OMA1: variants seen among roughly 807,000 people sequenced by gnomAD.
The protein encoded by OMA1 is metalloendopeptidase OMA1, mitochondrial.
In OMA1, 38 loss-of-function variants were observed where a neutral mutation model predicts 30.9. That is an observed-to-expected ratio of 1.23 (90% CI 0.95 to 1.61). The LOEUF (loss-of-function observed/expected upper bound fraction) is 1.61, where lower values mean the gene tolerates loss of function less well. OMA1 is among the 40% of genes most tolerant of loss of function. The probability of loss-of-function intolerance (pLI) is 0.00; values close to 1 mark genes in which losing one functional copy is unlikely to be tolerated. For synonymous variants in OMA1, 173 were observed against 121.9 expected (o/e 1.42, Z -2.76); for missense variants, 461 against 349.2 (o/e 1.32, Z -2.55).
chr1:58,541,293 C>CAAAAAAA (rs71043292), intron 1 of OMA1, among the ~76,000 whole-genome samples: 7 of 27,568 alleles, frequency 2.5e-4, no homozygotes, highest in Non-Finnish European at 4.8e-4. Context: ...GACTCTGTCT[C>CAAAAAAA]AAAAAAAAAA....
At chr1:58,537,056 G>C (rs1417811938) in intron 2 of OMA1, among the ~76,000 whole-genome samples, 1 of 146,072 alleles carries the variant, frequency 6.8e-6, no homozygotes, top group Non-Finnish European at 1.5e-5. Flanking sequence ...TCTAGTACAT[G>C]CAAAATTCTC....
intron 7 of OMA1, among the ~76,000 whole-genome samples, chr1:58,508,408 G>A (rs1323703082): frequency 1.3e-5 from 2 of 152,154 alleles, no homozygotes; most frequent in Non-Finnish European, 2.9e-5. Flanking sequence ...GATAATATAC[G>A]AATTCCCTTT....
chr1:58,482,573 T>C (rs116214531), intron 8 of OMA1, among the ~76,000 whole-genome samples: 85 of 152,206 alleles, frequency 5.6e-4, no homozygotes, highest in African/African-American at 2.0e-3. Context: ...GATACTGATG[T>C]GTCTTAAGGG....
At chr1:58,510,274 C>G (rs1364345409) in intron 7 of OMA1, among the ~76,000 whole-genome samples, 1 of 152,042 alleles carries the variant, frequency 6.6e-6, no homozygotes, top group Non-Finnish European at 1.5e-5. Flanking sequence ...TTAAAAGGAT[C>G]ACACCTCATG....
intron 7 of OMA1, among the ~76,000 whole-genome samples, chr1:58,520,879 C>A (rs1190590073): frequency 6.6e-6 from 1 of 152,040 alleles, no homozygotes; most frequent in African/African-American, 2.4e-5. Flanking sequence ...CCAAACCTCT[C>A]TTGATAACTA....
chr1:58,483,716 A>G (rs1416488972), intron 8 of OMA1, among the ~76,000 whole-genome samples: 1 of 152,232 alleles, frequency 6.6e-6, no homozygotes, highest in East Asian at 1.9e-4. Context: ...CTACTGTCCA[A>G]ACTGGGATAC....
intron 8 of OMA1, among the ~76,000 whole-genome samples, chr1:58,498,252 A>T (rs191260320): frequency 1.3e-5 from 2 of 152,044 alleles, no homozygotes; most frequent in Non-Finnish European, 2.9e-5. Context: ...AAAAAAAAAA[A>T]ACAACTTTTT....
At chr1:58,481,269 A>G in intron 8 of OMA1, 95 bp from the exon 9 acceptor site, 1 of 457,232 alleles carries the variant, frequency 2.2e-6, no homozygotes, top group Non-Finnish European at 3.8e-6. Flanking sequence ...TGTAAAACAA[A>G]GAATGTATTG....
chr1:58,538,540 A>G (rs1429256404), intron 2 of OMA1, among the ~76,000 whole-genome samples: 1 of 152,288 alleles, frequency 6.6e-6, no homozygotes, highest in Non-Finnish European at 1.5e-5. Flanking sequence ...TTTTAAAGAG[A>G]TATTTCTATA....
In OMA1 at chr1:58,506,753, GA is replaced by G. The variant is rs1464541588; in HGVS notation, c.1216-545del. Among the ~76,000 whole-genome samples the G allele has an allele frequency of 7.2e-5, 11 of 151,998 alleles. No individual in the cohort carries two copies. The East Asian group carries it at 1.9e-3, about 27-fold the overall frequency. On this transcript the variant is annotated intron_variant, in intron 7 of 8. Transcript: ENST00000371226. ...TACTTCTATGCCACTAGAACAATCA[GA>G]AAAAAACTTCAAATAAACATAAAGA...
At chr1:58,484,855 A>G (rs1187302803) in intron 8 of OMA1, among the ~76,000 whole-genome samples, 1 of 152,172 alleles carries the variant, frequency 6.6e-6, no homozygotes, top group East Asian at 1.9e-4. Context: ...TGGAAAAGGC[A>G]CAACTATGGA....
chr1:58,524,514 A>T (rs1346867771), intron 7 of OMA1, among the ~76,000 whole-genome samples: 1 of 152,196 alleles, frequency 6.6e-6, no homozygotes, highest in Non-Finnish European at 1.5e-5. Flanking sequence ...CACCCACATA[A>T]AAGGTGCATC....
In OMA1 at chr1:58,534,307, T is replaced by C; in HGVS notation, c.754A>G (p.Met252Val). The C allele has an allele frequency of 1.2e-6, 1 of 855,986 alleles. No homozygotes were observed. 53.0% of individuals were successfully genotyped at this position (855,986 alleles called of 1,614,324 possible). A position where few individuals can be genotyped will look rare whatever the true frequency, so the allele number is the denominator to read the frequency against. ...EAWMEEFKND[M>V]LTEKDARYLA... is the part of the protein sequence containing the mutation. The stretch of plus-strand genomic sequence containing the variant: ...TATCGGGCATCTTTCTCAGTTAGCA[T>C]ATCATTTTTAAATTCTTCCATCCAC... Residue 252 changes from methionine (M) to valine (V), a missense_variant, in exon 4 of 9, where the codon ATG becomes GTG. Transcript: ENST00000371226.
intron 7 of OMA1, among the ~76,000 whole-genome samples, chr1:58,516,845 C>G (rs1174304357): frequency 2.0e-5 from 3 of 152,154 alleles, no homozygotes; most frequent in African/African-American, 7.2e-5. Context: ...TACAGCTGCC[C>G]AAACCAGCAA....
Position 58,527,323 on chromosome 1 carries a change from T to C in OMA1, c.1153A>G (p.Arg385Gly). The C allele has an allele frequency of 1.1e-6, 1 of 872,080 alleles. No individual in the cohort carries two copies. The highest frequency in any genetic ancestry group is 2.0e-6 in the Non-Finnish European group (1 of 501,176). The allele number at this position is 872,080 out of a possible 1,614,324, so 54.0% of individuals were successfully genotyped here. ...QSKLQEYMFNRPYSRKLEAEA... is the reference protein window; with the variant it reads ...QSKLQEYMFNGPYSRKLEAEA... ...GCCTCCAATTTTCTGCTGTATGGTC[T>C]ATTAAACATATACTAAGAAGAAATG... Residue 385 changes from arginine to glycine, a missense_variant, in exon 7 of 9, where the codon AGA (arginine) becomes GGA (glycine). By Grantham distance (125) the Arg-to-Gly change is moderately radical. Coordinates refer to ENST00000371226, the MANE Select transcript of OMA1 (RefSeq NM_145243.5).
At chr1:58,530,151 G>A (rs1476319694) in intron 6 of OMA1, among the ~76,000 whole-genome samples, 1 of 152,192 alleles carries the variant, frequency 6.6e-6, no homozygotes, top group Non-Finnish European at 1.5e-5. Flanking sequence ...AAAGTGCTGA[G>A]ATTACAGGCA....
At chr1:58,516,302 G>A (rs576158723) in intron 7 of OMA1, among the ~76,000 whole-genome samples, 6 of 152,268 alleles carry the variant, frequency 3.9e-5, no homozygotes, top group African/African-American at 1.2e-4. Flanking sequence ...AATTAAAACT[G>A]ATAGTTTAGT....
In OMA1 at chr1:58,521,602, C is replaced by G. The variant is rs114836238; in HGVS notation, c.1215+5659G>C. ...CATTTAAAAGATACATGTAAAATAA[C>G]AGGTATCCTTCAGACATTAAAATAT... On this transcript the variant is annotated intron_variant, in intron 7 of 8. Transcript: ENST00000371226. Among the ~76,000 whole-genome samples the G allele has an allele frequency of 7.6e-3, 1,151 of 152,086 alleles. 7 individuals carry two copies. The highest frequency in any genetic ancestry group is 0.02 in the African/African-American group (813 of 41,532).
At chr1:58,483,982 T>C (rs1394862127) in intron 8 of OMA1, among the ~76,000 whole-genome samples, 1 of 152,136 alleles carries the variant, frequency 6.6e-6, no homozygotes. Flanking sequence ...CACAGCTGAG[T>C]GTGGCAATGA....
Sources: gnomAD v4.1 joint callset for allele counts (sites outside exome capture counted in the v4.1 genomes callset) on GRCh38, gnomAD v4.1.1 for gene constraint, MANE v1.5 for transcripts, NCBI Gene and HGNC (gene_info 2026-07-23, HGNC 2026-07-21) for gene names.